The following ARHGEF38 variants were observed in gnomAD, a reference collection of about 807,000 sequenced individuals.
ARHGEF38 encodes the protein Rho guanine nucleotide exchange factor 38, also known as Rho guanine nucleotide exchange factor (GEF) 38.
A neutral mutation model predicts 79.9 loss-of-function variants in ARHGEF38; 79 were observed. That is an observed-to-expected ratio of 0.99 (90% CI 0.82 to 1.19). The LOEUF (loss-of-function observed/expected upper bound fraction) is 1.19. Among genes scored for constraint, ARHGEF38 ranks in the 50% most tolerant of loss-of-function variants. ARHGEF38 has a pLI of 0.00. For synonymous variants in ARHGEF38, 366 were observed against 328.3 expected, an observed-to-expected ratio of 1.11 and a Z score of -1.24; for missense variants, 962 against 907.2, an observed-to-expected ratio of 1.06 and a Z score of -0.78.
chr4:105,634,510 C>T (rs1729323141), intron 4 of ARHGEF38, among the ~76,000 whole-genome samples: 1 of 152,070 alleles, frequency 6.6e-6, no homozygotes, highest in African/African-American at 2.4e-5. Context: ...TATTACTTAG[C>T]CTTCTTGGGG....
chr4:105,603,355 C>T (rs1011083622), intron 2 of ARHGEF38, among the ~76,000 whole-genome samples: 1 of 152,120 alleles, frequency 6.6e-6, no homozygotes, highest in Admixed American at 6.6e-5. Flanking sequence ...GACACCTGCT[C>T]ACCAGCCAGC....
chr4:105,617,670 T>C (rs1728562591), intron 3 of ARHGEF38, among the ~76,000 whole-genome samples: 1 of 152,188 alleles, frequency 6.6e-6, no homozygotes, highest in East Asian at 1.9e-4. Flanking sequence ...AAGTCTTTAG[T>C]TAAGGTATTC....
intron 13 of ARHGEF38, among the ~76,000 whole-genome samples, chr4:105,673,320 A>G (rs558712625): frequency 6.6e-6 from 1 of 152,290 alleles, no homozygotes; most frequent in South Asian, 2.1e-4. Flanking sequence ...CTTCTCAAAA[A>G]GGACTAGGTT....
At chr4:105,571,570 G>A (rs563722866) in intron 1 of ARHGEF38, among the ~76,000 whole-genome samples, 45 of 152,172 alleles carry the variant, frequency 3.0e-4, no homozygotes, top group African/African-American at 1.1e-3. Flanking sequence ...TGATCCGCCC[G>A]CCTCAGCCTC....
intron 9 of ARHGEF38, among the ~76,000 whole-genome samples, chr4:105,657,579 C>T (rs996842385): frequency 4.0e-5 from 6 of 151,568 alleles, no homozygotes; most frequent in African/African-American, 1.2e-4. Flanking sequence ...CATTTTGTGT[C>T]TGTGAGTCAC....
intron 5 of ARHGEF38, among the ~76,000 whole-genome samples, chr4:105,639,538 C>T (rs1033914269): frequency 2.6e-5 from 4 of 151,910 alleles, no homozygotes; most frequent in East Asian, 1.9e-4. Flanking sequence ...TGACCTATCT[C>T]GAAATTATTT....
At chr4:105,639,081 C>A (rs1729515502) in intron 5 of ARHGEF38, among the ~76,000 whole-genome samples, 1 of 151,922 alleles carries the variant, frequency 6.6e-6, no homozygotes, top group South Asian at 2.1e-4. Flanking sequence ...ACACTAGATA[C>A]AAATAATATT....
chr4:105,636,298 C>T (rs1190821427), intron 4 of ARHGEF38, 105 bp from the exon 5 acceptor site: 1 of 190,900 alleles, frequency 5.2e-6, no homozygotes, highest in African/African-American at 2.3e-5. Flanking sequence ...ATGAAAATTA[C>T]TTATTTTATT....
chr4:105,641,395 A>G (rs932256482), intron 5 of ARHGEF38, among the ~76,000 whole-genome samples: 5 of 152,030 alleles, frequency 3.3e-5, no homozygotes, highest in African/African-American at 9.7e-5. Flanking sequence ...CTATTCATTT[A>G]TCTCCCTTAT....
Position 105,659,364 on chromosome 4 carries a change from C to G in ARHGEF38, c.1544C>G (p.Pro515Arg). ...CAGCAGGCTTACTCCACACTTGTGC[C>G]GGTAAGCACAGCACCAACACCTAGC... is the stretch of plus-strand genomic sequence containing the variant. Reference protein sequence around the residue: ...VAQQAYSTLVPMPLLVSSISE... With the variant: ...VAQQAYSTLVRMPLLVSSISE... Residue 515 changes from proline to arginine, a missense_variant and splice_region_variant, in exon 10 of 14, where the codon CCG becomes CGG. Coordinates refer to ENST00000420470, the MANE Select transcript of ARHGEF38 (RefSeq NM_001242729.2). 2.6e-6 allele frequency: 4 copies of G among 1,532,640 alleles called. No homozygotes were observed. The highest frequency in any genetic ancestry group is 3.5e-6 in the Non-Finnish European group (4 of 1,145,538). 94.9% of individuals were successfully genotyped at this position (1,532,640 alleles called of 1,614,324 possible). A position where few individuals can be genotyped will look rare whatever the true frequency, so the allele number is the denominator to read the frequency against.
At chr4:105,561,400 T>TAGAAAATAGAATGGAATAG (rs59437354) in intron 1 of ARHGEF38, among the ~76,000 whole-genome samples, 1 of 30,160 alleles carries the variant, frequency 3.3e-5, no homozygotes, top group Admixed American at 4.0e-4. Context: ...TAGAGTAGAA[T>TAGAAAATAGAATGGAATAG]AATAGAATAG....
At chr4:105,676,384 G>A (rs925713413) in intron 13 of ARHGEF38, among the ~76,000 whole-genome samples, 2 of 152,120 alleles carry the variant, frequency 1.3e-5, no homozygotes, top group Admixed American at 6.5e-5. Flanking sequence ...GTGTAGAGTT[G>A]TTGCTGTTTT....
At chr4:105,633,922 C>T (rs1396085782) in intron 4 of ARHGEF38, among the ~76,000 whole-genome samples, 3 of 152,110 alleles carry the variant, frequency 2.0e-5, no homozygotes, top group Non-Finnish European at 2.9e-5. Flanking sequence ...AGAGATATTA[C>T]CTGGTTCTGT....
intron 6 of ARHGEF38, among the ~76,000 whole-genome samples, chr4:105,646,209 A>G (rs1248986926): frequency 6.6e-6 from 1 of 152,214 alleles, no homozygotes; most frequent in Non-Finnish European, 1.5e-5. Flanking sequence ...TATTTGTATT[A>G]GTAAATTAAA....
chr4:105,607,827 AG>A (rs80087428), intron 2 of ARHGEF38, among the ~76,000 whole-genome samples: 8,520 of 152,210 alleles, frequency 0.056, 265 homozygotes, highest in Middle Eastern at 0.078. Flanking sequence ...TGTTTAGGCA[AG>A]GCTGGATCCA....
At chr4:105,596,865 C>G (rs1239884380) in intron 2 of ARHGEF38, among the ~76,000 whole-genome samples, 1 of 152,236 alleles carries the variant, frequency 6.6e-6, no homozygotes, top group Admixed American at 6.5e-5. Flanking sequence ...CAGCCCCTGG[C>G]TGCCTTGCTG....
intron 1 of ARHGEF38, among the ~76,000 whole-genome samples, chr4:105,579,612 G>A (rs939860670): frequency 6.6e-6 from 1 of 152,094 alleles, no homozygotes; most frequent in Admixed American, 6.5e-5. Context: ...GCTTTTTGAT[G>A]TGCTGCTGGA....
At chr4:105,628,443 G>C (rs1195580523) in intron 3 of ARHGEF38, among the ~76,000 whole-genome samples, 3 of 152,154 alleles carry the variant, frequency 2.0e-5, no homozygotes, top group African/African-American at 7.2e-5. Flanking sequence ...CTACTGGGAG[G>C]CTCCCTTCCC....
chr4:105,615,060 T>G (rs1386377960), intron 3 of ARHGEF38, among the ~76,000 whole-genome samples: 3 of 152,168 alleles, frequency 2.0e-5, no homozygotes, highest in Non-Finnish European at 4.4e-5. Context: ...GAGGAGAAGA[T>G]TCCAAATGGA....
Sources: gnomAD v4.1 joint callset for allele counts (sites outside exome capture counted in the v4.1 genomes callset) on GRCh38, gnomAD v4.1.1 for gene constraint, MANE v1.5 for transcripts, NCBI Gene and HGNC (gene_info 2026-07-23, HGNC 2026-07-21) for gene names.